DHTKD1: variants seen among roughly 807,000 people sequenced by gnomAD.
DHTKD1 encodes the protein 2-oxoadipate dehydrogenase complex component E1.
A neutral mutation model predicts 101.8 loss-of-function variants in DHTKD1; 78 were observed. The ratio of observed to expected loss-of-function variants is 0.77; its 90% CI spans 0.64 to 0.93. The LOEUF (loss-of-function observed/expected upper bound fraction) is 0.93, where lower values mean the gene tolerates loss of function less well. Among genes scored for constraint, DHTKD1 ranks in the 40% least tolerant of loss-of-function variants. The pLI is 0.00. For missense variants in DHTKD1, 1,223 were observed against 1,161.7 expected (o/e 1.05, Z -0.77); for synonymous variants, 462 against 450.3 (o/e 1.03, Z -0.33).
chr10:12,120,113 G>T lies in DHTKD1; in HGVS notation c.2573-69G>T, dbSNP rs1833500674. ...AAGTTGAAAACTCCATCGTAGGTGG[G>T]ATCATAGTAAATTGGGGACCGTCTG... On this transcript the variant is annotated intron_variant, in intron 15 of 16. Coordinates refer to ENST00000263035, the MANE Select transcript of DHTKD1 (RefSeq NM_018706.7). 4 of 1,187,082 alleles carry T rather than the reference G, an allele frequency of 3.4e-6. No individual in the cohort carries two copies. The Admixed American group carries it at 7.2e-5, about 21-fold the overall frequency. 73.5% of individuals were successfully genotyped at this position (1,187,082 alleles called of 1,614,324 possible).
chr10:12,120,746 A>T, intron 16 of DHTKD1, 41 bp from the exon 17 acceptor site: 1 of 1,533,546 alleles, frequency 6.5e-7, no homozygotes, highest in Non-Finnish European at 9.0e-7. Flanking sequence ...GCTCTGATCT[A>T]GTCAAAATGT....
intron 1 of DHTKD1, among the ~76,000 whole-genome samples, chr10:12,075,991 T>A (rs1672631369): frequency 1.3e-5 from 2 of 151,034 alleles, no homozygotes; most frequent in South Asian, 4.2e-4. Context: ...ATGCAAAATC[T>A]CTAGATTTTT....
Position 12,089,265 on chromosome 10 carries a change from G to C in DHTKD1, c.987+10G>C, listed in dbSNP as rs142511121. The C allele has an allele frequency of 0.011, 18,473 of 1,610,644 alleles. 148 individuals are homozygous for C. Among genetic ancestry groups the C allele is most frequent in the Non-Finnish European group, 0.014 (16,626 of 1,177,844 alleles). ...GGTCATTTGCTTACAGGTACTTGGA[G>C]CTTCTGAAATTGAGGCCAGAGGTGG... is the stretch of plus-strand genomic sequence containing the variant. On this transcript the variant is annotated intron_variant, in intron 5 of 16. Transcript: ENST00000263035.
At position 12,099,387 on chromosome 10, in the gene DHTKD1, GTT is replaced by G. The variant is rs560376431; in HGVS notation, c.1672-788_1672-787del. ...ACCTAAGCACGTGTTTGTTTTGCCT[GTT>G]TTAAAATTGTATATAGGCCGGGTGT... On this transcript the variant is annotated intron_variant, in intron 8 of 16. Transcript: ENST00000263035. Among the ~76,000 whole-genome samples the G allele has an allele frequency of 1.7e-3, 261 of 152,174 alleles. 2 individuals carry two copies. The highest frequency in any genetic ancestry group is 6.0e-3 in the African/African-American group (248 of 41,510).
chr10:12,086,553 G>T (rs1157989398), intron 3 of DHTKD1, among the ~76,000 whole-genome samples: 1 of 151,904 alleles, frequency 6.6e-6, no homozygotes, highest in Non-Finnish European at 1.5e-5. Context: ...TCGATCTCCT[G>T]ACCTCATGAT....
chr10:12,091,799 A>C (rs920436539), intron 6 of DHTKD1, 115 bp downstream of exon 6: 4 of 700,578 alleles, frequency 5.7e-6, no homozygotes, highest in African/African-American at 5.7e-5. Flanking sequence ...TCATTTAATT[A>C]ATTAATTAAT....
intron 1 of DHTKD1, among the ~76,000 whole-genome samples, chr10:12,077,406 T>C (rs913211373): frequency 9.9e-5 from 15 of 152,216 alleles, no homozygotes; most frequent in Admixed American, 2.0e-4. Context: ...TTCTTGTTTT[T>C]AGTAGAGACA....
intron 6 of DHTKD1, among the ~76,000 whole-genome samples, chr10:12,092,702 C>G (rs1350494228): frequency 6.6e-6 from 1 of 151,836 alleles, no homozygotes; most frequent in Non-Finnish European, 1.5e-5. Context: ...ACTCGGGAGG[C>G]TGAGACAGGA....
intron 7 of DHTKD1, among the ~76,000 whole-genome samples, chr10:12,096,210 C>T (rs1169722254): frequency 1.3e-5 from 2 of 151,946 alleles, no homozygotes; most frequent in Non-Finnish European, 2.9e-5. Flanking sequence ...AAAATAGATT[C>T]CCCTCCTCCA....
Position 12,100,274 on chromosome 10 carries a change from C to CTTTTT in DHTKD1, c.1756+18_1756+22dup. 1.1e-5 allele frequency: 4 copies of CTTTTT among 351,662 alleles called. No homozygotes were observed. The highest frequency in any genetic ancestry group is 4.8e-5 in the South Asian group (1 of 21,052). 21.8% of individuals were successfully genotyped at this position (351,662 alleles called of 1,614,324 possible). On this transcript the variant is annotated intron_variant, in intron 9 of 16. Transcript: ENST00000263035. ...TTTACTTGCTCAAGGTAAGAATTTTCTTTTTTTTTTCTGTTTTTTTTTTTT... is the reference window on the plus strand; with the variant it reads ...TTTACTTGCTCAAGGTAAGAATTTTCTTTTTTTTTTTTTTTCTGTTTTTTTTTTTT...
At chr10:12,082,859 G>A (rs541782397) in intron 2 of DHTKD1, among the ~76,000 whole-genome samples, 6 of 152,174 alleles carry the variant, frequency 3.9e-5, no homozygotes, top group South Asian at 2.1e-4. Context: ...TGAGTTGGCC[G>A]GGTGCGGTGG....
At chr10:12,092,368 G>T (rs1431098247) in intron 6 of DHTKD1, among the ~76,000 whole-genome samples, 1 of 150,790 alleles carries the variant, frequency 6.6e-6, no homozygotes, top group Non-Finnish European at 1.5e-5. Context: ...CTGGATGGGT[G>T]ATCTGGTACA....
At chr10:12,120,683 TG>T in intron 16 of DHTKD1, 103 bp from the exon 17 acceptor site, 1 of 977,018 alleles carries the variant, frequency 1.0e-6, no homozygotes, top group Non-Finnish European at 1.6e-6. Context: ...AGGTGATTTA[TG>T]GTTAAACAAG....
intron 1 of DHTKD1, among the ~76,000 whole-genome samples, chr10:12,070,227 C>A (rs1029229481): frequency 6.6e-6 from 1 of 151,992 alleles, no homozygotes; most frequent in Non-Finnish European, 1.5e-5. Flanking sequence ...TGCTCATTTG[C>A]GAGACTAATT....
chr10:12,113,781 G>A, intron 13 of DHTKD1, among the ~76,000 whole-genome samples: 1 of 152,082 alleles, frequency 6.6e-6, no homozygotes, highest in Non-Finnish European at 1.5e-5. Context: ...ATTGGCCGGT[G>A]TGGTGGCTCA....
intron 1 of DHTKD1, among the ~76,000 whole-genome samples, chr10:12,077,297 G>A (rs1425213438): frequency 6.6e-6 from 1 of 151,100 alleles, no homozygotes; most frequent in Non-Finnish European, 1.5e-5. Context: ...GCACAACCTC[G>A]GATCACTGCA....
rs1744171305 is a variant in DHTKD1 at position 12,107,559 on chromosome 10, A to G, written c.2048-350A>G. Reference sequence around the variant, plus strand: ...CAGCCTCCCGAGTAGCTGGGACTACAGACATGTGCCACTACAGCTGGCTAA... The same window carrying G: ...CAGCCTCCCGAGTAGCTGGGACTACGGACATGTGCCACTACAGCTGGCTAA... On this transcript the variant is annotated intron_variant, in intron 11 of 16. Transcript: ENST00000263035. The surrounding 1 kb of genome is among the most constrained non-coding windows in gnomAD (Gnocchi z 4.1). Among the ~76,000 whole-genome samples, 1 of 152,050 alleles carries G rather than the reference A, an allele frequency of 6.6e-6. No homozygotes were observed. The highest frequency in any genetic ancestry group is 2.4e-5 in the African/African-American group (1 of 41,396).
At chr10:12,081,866 C>G (rs1323481254) in intron 2 of DHTKD1, among the ~76,000 whole-genome samples, 1 of 151,814 alleles carries the variant, frequency 6.6e-6, no homozygotes, top group African/African-American at 2.4e-5. Flanking sequence ...TGGCTGACAC[C>G]CATAATCCCA....
rs188208521 is a variant in DHTKD1, at chr10:12,087,770, T to G, written c.717+41T>G. The G allele has an allele frequency of 4.5e-5, 66 of 1,474,150 alleles. No individual in the cohort carries two copies. The African/African-American group carries it at 8.5e-4, about 19-fold the overall frequency. 91.3% of individuals were successfully genotyped at this position (1,474,150 alleles called of 1,614,324 possible). ...GTGTTTCTCAGTAGCACTATATGAT[T>G]GATTGTAACAGAATAAAACTGCTGG... On this transcript the variant is annotated intron_variant, in intron 4 of 16. Coordinates refer to ENST00000263035, the MANE Select transcript of DHTKD1 (RefSeq NM_018706.7). This position sits in a 1 kb window ranked among gnomAD's most constrained non-coding sequence, Gnocchi z 5.2.
Sources: allele counts gnomAD v4.1 joint callset (sites outside exome capture counted in the v4.1 genomes callset), GRCh38; gene constraint gnomAD v4.1.1; non-coding constraint Gnocchi (gnomAD v3.1); transcripts MANE v1.5; gene names NCBI Gene and HGNC (gene_info 2026-07-23, HGNC 2026-07-21).